GLIS3: variants seen among roughly 807,000 people sequenced by gnomAD.
GLIS3 encodes the protein zinc finger protein GLIS3.
A neutral mutation model predicts 78.6 loss-of-function variants in GLIS3; 53 were observed. That is an observed-to-expected ratio of 0.67 (90% CI 0.54 to 0.85). The LOEUF (loss-of-function observed/expected upper bound fraction) is 0.85, where lower values mean the gene tolerates loss of function less well. Among genes scored for constraint, GLIS3 ranks in the 40% least tolerant of loss-of-function variants. The probability of loss-of-function intolerance (pLI) is 0.00; values close to 1 mark genes in which losing one functional copy is unlikely to be tolerated. For synonymous variants in GLIS3, 684 were observed against 509.9 expected, an observed-to-expected ratio of 1.34 and a Z score of -4.60; for missense variants, 1,703 against 1,231.1, an observed-to-expected ratio of 1.38 and a Z score of -5.74.
intron 4 of GLIS3, among the ~76,000 whole-genome samples, chr9:4,020,552 G>C (rs1272294792): frequency 2.0e-5 from 3 of 152,126 alleles, no homozygotes; most frequent in African/African-American, 7.2e-5. Context: ...AGTTAGGTTG[G>C]CTTTATGTGC....
chr9:4,169,120 T>C (rs1016529772), intron 2 of GLIS3, among the ~76,000 whole-genome samples: 2 of 152,206 alleles, frequency 1.3e-5, no homozygotes, highest in South Asian at 2.1e-4. Context: ...ACCTAGTTAA[T>C]TGTTGGTCAA....
the GLIS3 span, among the ~76,000 whole-genome samples, chr9:4,384,151 C>G: frequency 9.9e-5 from 15 of 152,144 alleles, no homozygotes; most frequent in Non-Finnish European, 1.8e-4. Flanking sequence ...CAGATCGTGC[C>G]AATGAGGTGT....
chr9:4,220,978 C>T (rs374360006), intron 2 of GLIS3, among the ~76,000 whole-genome samples: 1 of 152,096 alleles, frequency 6.6e-6, no homozygotes, highest in African/African-American at 2.4e-5. Context: ...CAGCAAGACC[C>T]TGTCTCTAAT....
the GLIS3 span, among the ~76,000 whole-genome samples, chr9:4,435,950 A>AAAC: frequency 4.6e-5 from 7 of 151,958 alleles, no homozygotes; most frequent in Non-Finnish European, 8.8e-5. Context: ...CTCCGTCTCA[A>AAAC]AACAAAACAA....
At chr9:4,401,975 T>C in the GLIS3 span, among the ~76,000 whole-genome samples, 3 of 152,066 alleles carry the variant, frequency 2.0e-5, no homozygotes, top group South Asian at 2.1e-4. Context: ...TATAGTAGAA[T>C]AGAACAACAG....
At chr9:4,457,614 G>A in the GLIS3 span, among the ~76,000 whole-genome samples, 2 of 152,076 alleles carry the variant, frequency 1.3e-5, no homozygotes, top group African/African-American at 4.8e-5. Flanking sequence ...TTGGGGGACT[G>A]AGGCGGGTGG....
intron 3 of GLIS3, among the ~76,000 whole-genome samples, chr9:4,120,158 C>T (rs972579635): frequency 6.6e-6 from 1 of 152,188 alleles, no homozygotes; most frequent in African/African-American, 2.4e-5. Flanking sequence ...CTCAAAGGAA[C>T]TGAGGTAAAA....
the GLIS3 span, among the ~76,000 whole-genome samples, chr9:4,429,545 T>A: frequency 6.6e-6 from 1 of 152,296 alleles, no homozygotes; most frequent in East Asian, 1.9e-4. Context: ...TTGTTAAGAA[T>A]CTTGTCACAT....
At chr9:4,017,936 C>T (rs1822573023) in intron 4 of GLIS3, among the ~76,000 whole-genome samples, 1 of 152,142 alleles carries the variant, frequency 6.6e-6, no homozygotes, top group African/African-American at 2.4e-5. Flanking sequence ...AAACTAATGT[C>T]TTTTTAATAT....
At chr9:4,056,036 C>T (rs1489377779) in intron 4 of GLIS3, among the ~76,000 whole-genome samples, 2 of 152,198 alleles carry the variant, frequency 1.3e-5, no homozygotes, top group African/African-American at 4.8e-5. Flanking sequence ...GCAATTAATA[C>T]TAGGCCCTGT....
chr9:4,267,121 C>A (rs1305730882), intron 2 of GLIS3, among the ~76,000 whole-genome samples: 2 of 151,984 alleles, frequency 1.3e-5, no homozygotes, highest in African/African-American at 4.8e-5. Context: ...AAAAGCTGTA[C>A]CCCCTGCAGA....
At chr9:3,899,651 G>T (rs2130609290) in intron 6 of GLIS3, among the ~76,000 whole-genome samples, 1 of 152,176 alleles carries the variant, frequency 6.6e-6, no homozygotes, top group East Asian at 1.9e-4. Flanking sequence ...AATCATCTTT[G>T]GTATTTAAAG....
chr9:3,911,124 TCCTTTCTTCCTTC>T (rs1824120126), intron 6 of GLIS3, among the ~76,000 whole-genome samples: 1 of 151,954 alleles, frequency 6.6e-6, no homozygotes, highest in Non-Finnish European at 1.5e-5. Flanking sequence ...TTCCTTCCTT[TCCTTTCTTCCTTC>T]CTCCCTTCCT....
At chr9:4,082,677 T>C (rs538528564) in intron 4 of GLIS3, among the ~76,000 whole-genome samples, 1 of 152,320 alleles carries the variant, frequency 6.6e-6, no homozygotes, top group Admixed American at 6.5e-5. Flanking sequence ...CGGGAGGCAG[T>C]GGGTCAAGAT....
chr9:4,255,201 ACT>A (rs906856210), intron 2 of GLIS3, among the ~76,000 whole-genome samples: 16 of 152,348 alleles, frequency 1.1e-4, no homozygotes, highest in African/African-American at 3.4e-4. Flanking sequence ...AATTCAGAAC[ACT>A]GACAACATCA....
chr9:4,280,798 ATGT>A (rs1241057500), intron 2 of GLIS3, among the ~76,000 whole-genome samples: 3 of 151,824 alleles, frequency 2.0e-5, no homozygotes, highest in Non-Finnish European at 4.4e-5. Context: ...AATGAGGCAA[ATGT>A]TGTGCAATCT....
At chr9:4,430,395 GC>G in the GLIS3 span, among the ~76,000 whole-genome samples, 1 of 152,190 alleles carries the variant, frequency 6.6e-6, no homozygotes, top group African/African-American at 2.4e-5. Flanking sequence ...ATACCATTTT[GC>G]AGCTCCCCGT....
intron 4 of GLIS3, among the ~76,000 whole-genome samples, chr9:4,029,484 T>A (rs1823630726): frequency 1.3e-5 from 2 of 152,188 alleles, no homozygotes; most frequent in African/African-American, 2.4e-5. Flanking sequence ...TATTTAAAAA[T>A]GTACAATTAA....
chr9:4,079,633 G>A (rs1442048925), intron 4 of GLIS3, among the ~76,000 whole-genome samples: 1 of 151,970 alleles, frequency 6.6e-6, no homozygotes, highest in African/African-American at 2.4e-5. Flanking sequence ...CATGTCCCCA[G>A]TGCTGGGAAG....
Sources: allele counts gnomAD v4.1 joint callset (sites outside exome capture counted in the v4.1 genomes callset), GRCh38; gene constraint gnomAD v4.1.1; transcripts MANE v1.5; gene names NCBI Gene and HGNC (gene_info 2026-07-23, HGNC 2026-07-21).